Variants in CYP4X1 observed in about 807,000 individuals in gnomAD.
CYP4X1 encodes the protein cytochrome P450 4X1.
In CYP4X1, 44 loss-of-function variants were observed where a neutral mutation model predicts 57.9. The observed-to-expected ratio is 0.76, with a 90% confidence interval of 0.60 to 0.98. The LOEUF is 0.98. CYP4X1 is among the 50% of genes least tolerant of loss of function. The pLI is 0.00. For missense variants in CYP4X1, 532 were observed against 623.9 expected, an observed-to-expected ratio of 0.85 and a Z score of 1.57; for synonymous variants, 227 against 228.6, an observed-to-expected ratio of 0.99 and a Z score of 0.06.
chr1:47,049,598 G>A (rs1329598832), intron 11 of CYP4X1, 94 bp downstream of exon 11: 7 of 1,140,400 alleles, frequency 6.1e-6, no homozygotes, highest in African/African-American at 1.5e-5. Context: ...CATTCTTCCA[G>A]GGAACCGTAG....
chr1:47,035,421 C>A (rs1040042935), intron 4 of CYP4X1, among the ~76,000 whole-genome samples: 4 of 152,076 alleles, frequency 2.6e-5, no homozygotes, highest in Non-Finnish European at 5.9e-5. Context: ...TGGCAGGGTA[C>A]CTAGCAAGTT....
chr1:47,036,291 T>C (rs964029237), intron 6 of CYP4X1, 120 bp downstream of exon 6: 2 of 1,233,962 alleles, frequency 1.6e-6, no homozygotes, highest in Non-Finnish European at 2.1e-6. Flanking sequence ...GGAGCTTTTA[T>C]ATAGACACTG....
downstream of CYP4X1, among the ~76,000 whole-genome samples, chr1:47,053,668 G>C (rs1314310122): frequency 6.6e-6 from 1 of 152,222 alleles, no homozygotes; most frequent in Non-Finnish European, 1.5e-5. Context: ...CTGATGGCCA[G>C]TGATGATGAG....
the CYP4X1 span, among the ~76,000 whole-genome samples, chr1:46,979,491 A>G: frequency 6.6e-6 from 1 of 152,214 alleles, no homozygotes; most frequent in Non-Finnish European, 1.5e-5. Flanking sequence ...TTACTGGCCT[A>G]CCAACCAAAA....
chr1:46,963,614 GCTGTTAGT>G, the CYP4X1 span, among the ~76,000 whole-genome samples: 3 of 152,232 alleles, frequency 2.0e-5, no homozygotes, highest in Non-Finnish European at 4.4e-5. Context: ...CGAGAGATCA[GCTGTTAGT>G]CTGATGGGCT....
chr1:47,051,095 G>C (rs1034236011), downstream of CYP4X1, among the ~76,000 whole-genome samples: 1 of 152,132 alleles, frequency 6.6e-6, no homozygotes, highest in Admixed American at 6.5e-5. Flanking sequence ...CTTCTCAAAA[G>C]AAGACATTTA....
chr1:46,964,681 G>T, the CYP4X1 span, among the ~76,000 whole-genome samples: 9 of 152,322 alleles, frequency 5.9e-5, no homozygotes, highest in Admixed American at 2.0e-4. Flanking sequence ...GGCTACTTGG[G>T]GGTCAGGGAC....
At chr1:47,027,072 C>G (rs1220796055) in intron 1 of CYP4X1, among the ~76,000 whole-genome samples, 1 of 151,936 alleles carries the variant, frequency 6.6e-6, no homozygotes, top group Non-Finnish European at 1.5e-5. Flanking sequence ...TCTTGCATTT[C>G]TTTTGTTAAA....
the CYP4X1 span, among the ~76,000 whole-genome samples, chr1:46,971,311 T>C: frequency 1.3e-5 from 2 of 152,248 alleles, no homozygotes; most frequent in Non-Finnish European, 2.9e-5. Context: ...ATTTTCTTTA[T>C]TGAGTCCACT....
At chr1:47,019,229 A>G (rs1421560860), upstream of CYP4X1, among the ~76,000 whole-genome samples, 1 of 152,122 alleles carries the variant, frequency 6.6e-6, no homozygotes, top group African/African-American at 2.4e-5. Context: ...CTTAATCTAA[A>G]TGGGCCCAGG....
downstream of CYP4X1, among the ~76,000 whole-genome samples, chr1:47,054,863 A>G (rs1479796738): frequency 1.3e-5 from 2 of 152,242 alleles, no homozygotes; most frequent in African/African-American, 4.8e-5. Flanking sequence ...TGTCATCTGC[A>G]AACAGGGACA....
At chr1:47,027,179 T>C (rs1458997216) in intron 1 of CYP4X1, among the ~76,000 whole-genome samples, 1 of 152,192 alleles carries the variant, frequency 6.6e-6, no homozygotes, top group African/African-American at 2.4e-5. Context: ...ACTAAGTTTT[T>C]TTTTTTCTGT....
the CYP4X1 span, among the ~76,000 whole-genome samples, chr1:46,967,228 C>T: frequency 1.3e-5 from 2 of 152,184 alleles, no homozygotes; most frequent in Non-Finnish European, 2.9e-5. Context: ...AAGAGATTCT[C>T]CCTAGAGCCC....
chr1:47,036,795 A>G lies in CYP4X1; in HGVS notation c.775+624A>G, dbSNP rs115977428. Among the ~76,000 whole-genome samples the G allele has an allele frequency of 3.7e-3, 562 of 152,308 alleles. 8 individuals are homozygous for G. The highest frequency in any genetic ancestry group is 0.013 in the African/African-American group (533 of 41,560). ...TAAAATGGAGATTAAAAAAGAACCT[A>G]TCTCATACATTTGTTGTTACGATGA... On this transcript the variant is annotated intron_variant, in intron 6 of 11. Transcript: ENST00000371901.
Position 47,050,464 on chromosome 1 carries a change from T to TTCAGAA in CYP4X1, c.*292_*297dup, listed in dbSNP as rs1274895317. Reference sequence around the variant, plus strand: ...ATTTTCTGTTGTTTTTAAAATAGTTTTCAGAATTATGCAAGTAATAAGTGC... The same window carrying TTCAGAA: ...ATTTTCTGTTGTTTTTAAAATAGTTTTCAGAATCAGAATTATGCAAGTAATAAGTGC... On this transcript the variant is annotated 3_prime_UTR_variant, in exon 12 of 12. Coordinates refer to ENST00000371901, the MANE Select transcript of CYP4X1 (RefSeq NM_178033.2). 2.7e-5 allele frequency: 6 copies of TTCAGAA among 219,544 alleles called. No individual in the cohort carries two copies. The highest frequency in any genetic ancestry group is 5.4e-5 in the Non-Finnish European group (6 of 110,820). 13.6% of individuals were successfully genotyped at this position (219,544 alleles called of 1,614,324 possible). A position where few individuals can be genotyped will look rare whatever the true frequency, so the allele number is the denominator to read the frequency against.
At chr1:47,025,444 C>T (rs1644052358) in intron 1 of CYP4X1, among the ~76,000 whole-genome samples, 1 of 152,194 alleles carries the variant, frequency 6.6e-6, no homozygotes, top group African/African-American at 2.4e-5. Flanking sequence ...AGACAACATC[C>T]ACCTATGAAC....
rs764708729 is a variant in CYP4X1 at position 47,048,607 on chromosome 1, C to G, written c.1250C>G (p.Pro417Arg). ...VLSIWGLHHN[P>R]AVWKNPKVFD... ...AGTATTTGGGGTCTTCACCACAACC[C>G]TGCTGTCTGGAAAAACCCAAAGGTA... The change falls in exon 10 of 12, where the codon CCT becomes CGT. Residue 417 changes from proline to arginine, a missense_variant. Transcript: ENST00000371901. The G allele has an allele frequency of 6.2e-7, 1 of 1,613,118 alleles. No homozygotes were observed. The highest frequency in any genetic ancestry group is 8.5e-7 in the Non-Finnish European group (1 of 1,179,798).
chr1:47,023,547 A>C, upstream of CYP4X1: 1 of 1,210,286 alleles, frequency 8.3e-7, no homozygotes, highest in Non-Finnish European at 1.0e-6. Flanking sequence ...GTTGGACTTA[A>C]AAGAGGACGC....
chr1:46,988,785 G>T, the CYP4X1 span, among the ~76,000 whole-genome samples: 6 of 151,518 alleles, frequency 4.0e-5, no homozygotes, highest in Admixed American at 3.3e-4. Context: ...GACAGAAACC[G>T]CATGATTATT....
Sources: gnomAD v4.1 joint callset for allele counts (sites outside exome capture counted in the v4.1 genomes callset) on GRCh38, gnomAD v4.1.1 for gene constraint, MANE v1.5 for transcripts, NCBI Gene and HGNC (gene_info 2026-07-23, HGNC 2026-07-21) for gene names.